Variants in SCD5 observed in about 807,000 individuals in gnomAD.
SCD5 encodes stearoyl-CoA desaturase 5.
A neutral mutation model predicts 30.4 loss-of-function variants in SCD5; 20 were observed. The observed-to-expected ratio is 0.66, with a 90% CI of 0.46 to 0.96. SCD5 has a LOEUF of 0.96. SCD5 is among the 40% of genes least tolerant of loss of function. The pLI, the probability that SCD5 is intolerant of heterozygous loss-of-function variation, is 0.00. For synonymous variants in SCD5, 173 were observed against 176.4 expected (o/e 0.98, Z 0.16); for missense variants, 381 against 443.3 (o/e 0.86, Z 1.26).
chr4:82,681,466 G>C (rs1339134618), intron 2 of SCD5, among the ~76,000 whole-genome samples: 1 of 152,212 alleles, frequency 6.6e-6, no homozygotes, highest in African/African-American at 2.4e-5. Flanking sequence ...TTGAATGGTT[G>C]TTCTGTCCAG....
At chr4:82,728,725 T>C (rs141311317) in intron 1 of SCD5, among the ~76,000 whole-genome samples, 1,955 of 152,174 alleles carry the variant, frequency 0.013, 21 homozygotes, top group Non-Finnish European at 0.02. Flanking sequence ...GCTCACCAAA[T>C]TGCCCATAAA....
At chr4:82,659,712 T>G (rs1223096870) in intron 3 of SCD5, among the ~76,000 whole-genome samples, 9 of 152,228 alleles carry the variant, frequency 5.9e-5, no homozygotes, top group Admixed American at 5.9e-4. Context: ...TGATTTCCAT[T>G]CTTTTGCATT....
intron 1 of SCD5, among the ~76,000 whole-genome samples, chr4:82,723,472 CT>C (rs1273978952): frequency 6.6e-6 from 1 of 152,168 alleles, no homozygotes; most frequent in Non-Finnish European, 1.5e-5. Context: ...GTACTATATA[CT>C]TTTTTGCTAA....
At chr4:82,669,090 G>A (rs752713988) in intron 3 of SCD5, among the ~76,000 whole-genome samples, 4 of 152,122 alleles carry the variant, frequency 2.6e-5, no homozygotes, top group East Asian at 3.8e-4. Flanking sequence ...AAAGAGCAAC[G>A]GATTCAGTCA....
At chr4:82,652,166 C>A (rs4693479) in intron 3 of SCD5, among the ~76,000 whole-genome samples, 114,853 of 151,966 alleles carry the variant, frequency 0.76, 44,350 homozygotes, top group East Asian at 0.99. Context: ...CTGAAGTGTG[C>A]GGGGAATGGC....
At chr4:82,674,211 G>A (rs977128307) in intron 3 of SCD5, among the ~76,000 whole-genome samples, 2 of 152,062 alleles carry the variant, frequency 1.3e-5, no homozygotes, top group Non-Finnish European at 2.9e-5. Flanking sequence ...AAAAGGACAA[G>A]CCACAGACAG....
chr4:82,735,608 G>C (rs1720733716), intron 1 of SCD5, among the ~76,000 whole-genome samples: 1 of 152,172 alleles, frequency 6.6e-6, no homozygotes, highest in Non-Finnish European at 1.5e-5. Flanking sequence ...TGGAAGGGGG[G>C]GCTCCTGACA....
chr4:82,647,061 G>C (rs1046286592), intron 3 of SCD5, among the ~76,000 whole-genome samples: 2 of 152,180 alleles, frequency 1.3e-5, no homozygotes, highest in Non-Finnish European at 2.9e-5. Context: ...CTGGCCTCTA[G>C]TGATCCACCC....
intron 1 of SCD5, among the ~76,000 whole-genome samples, chr4:82,723,523 C>T (rs10516678): frequency 0.073 from 11,149 of 152,092 alleles, 438 homozygotes; most frequent in Admixed American, 0.12. Context: ...TCAGTTTTGT[C>T]GATTACCATA....
At chr4:82,773,056 T>C (rs893589276) in intron 1 of SCD5, among the ~76,000 whole-genome samples, 1 of 152,062 alleles carries the variant, frequency 6.6e-6, no homozygotes, top group African/African-American at 2.4e-5. Flanking sequence ...AGCACTGATG[T>C]TTTTCATTCC....
chr4:82,637,402 T>C (rs1727456139), intron 3 of SCD5, among the ~76,000 whole-genome samples: 1 of 152,186 alleles, frequency 6.6e-6, no homozygotes, highest in Admixed American at 6.5e-5. Flanking sequence ...ACATAGAAAG[T>C]AATCATTAAG....
intron 1 of SCD5, among the ~76,000 whole-genome samples, chr4:82,772,409 G>T (rs957867306): frequency 6.6e-6 from 1 of 152,218 alleles, no homozygotes; most frequent in African/African-American, 2.4e-5. Context: ...GCACCCCACC[G>T]TTCTGTCAAT....
intron 1 of SCD5, among the ~76,000 whole-genome samples, chr4:82,726,404 C>G (rs1204604041): frequency 1.6e-5 from 2 of 127,806 alleles, no homozygotes; most frequent in African/African-American, 3.2e-5. Context: ...GCAACAACAG[C>G]GAAACTCTGT....
intron 2 of SCD5, among the ~76,000 whole-genome samples, chr4:82,700,426 G>A (rs1719804034): frequency 1.3e-5 from 2 of 151,936 alleles, no homozygotes; most frequent in Admixed American, 1.3e-4. Context: ...AAGACAAAGA[G>A]AAAATCTTGA....
intron 2 of SCD5, among the ~76,000 whole-genome samples, chr4:82,694,393 C>T (rs1269242335): frequency 2.0e-5 from 3 of 152,178 alleles, no homozygotes; most frequent in Non-Finnish European, 2.9e-5. Context: ...ATGACTTTAG[C>T]ATTATTTGCT....
intron 1 of SCD5, among the ~76,000 whole-genome samples, chr4:82,725,428 T>A (rs907712753): frequency 5.9e-5 from 9 of 152,212 alleles, no homozygotes; most frequent in African/African-American, 1.9e-4. Context: ...CTCACAGTAC[T>A]ATACCAGCAC....
chr4:82,727,158 G>A (rs751404110), intron 1 of SCD5, among the ~76,000 whole-genome samples: 1 of 152,126 alleles, frequency 6.6e-6, no homozygotes, highest in Non-Finnish European at 1.5e-5. Context: ...CTCCACTCAG[G>A]TTCAAATGAA....
At chr4:82,740,134 C>G (rs960827395) in intron 1 of SCD5, among the ~76,000 whole-genome samples, 3 of 152,232 alleles carry the variant, frequency 2.0e-5, no homozygotes, top group East Asian at 1.9e-4. Flanking sequence ...GCATCTACCC[C>G]CTAAGGACTT....
chr4:82,713,573 G>A (rs1720156518), intron 1 of SCD5, among the ~76,000 whole-genome samples: 1 of 152,162 alleles, frequency 6.6e-6, no homozygotes, highest in Non-Finnish European at 1.5e-5. Context: ...ATTAAATAAG[G>A]AATTACTGGT....
Sources: allele counts gnomAD v4.1 joint callset (sites outside exome capture counted in the v4.1 genomes callset), GRCh38; gene constraint gnomAD v4.1.1; transcripts MANE v1.5; gene names NCBI Gene and HGNC (gene_info 2026-07-23, HGNC 2026-07-21).